The following CNTNAP2 variants were observed in gnomAD, a reference collection of about 807,000 sequenced individuals.
CNTNAP2 encodes the protein contactin-associated protein-like 2.
Under a neutral mutation model 155.2 loss-of-function variants are expected in CNTNAP2, and 98 were observed. That is an observed-to-expected ratio of 0.63 (90% confidence interval 0.54 to 0.75). The LOEUF (loss-of-function observed/expected upper bound fraction) is 0.75, where lower values mean the gene tolerates loss of function less well. Among genes scored for constraint, CNTNAP2 ranks in the 30% least tolerant of loss-of-function variants. The pLI is 0.00. For missense variants in CNTNAP2, 1,727 were observed against 1,688.1 expected (o/e 1.02, Z -0.40); for synonymous variants, 651 against 631.2 (o/e 1.03, Z -0.47).
At chr7:146,703,604 A>G (rs978661518) in intron 1 of CNTNAP2, among the ~76,000 whole-genome samples, 1 of 152,122 alleles carries the variant, frequency 6.6e-6, no homozygotes, top group African/African-American at 2.4e-5. Context: ...TCAAGGTTTA[A>G]GCAGATCTGG....
At chr7:146,842,054 T>G (rs1315503172) in intron 3 of CNTNAP2, among the ~76,000 whole-genome samples, 16 of 152,066 alleles carry the variant, frequency 1.1e-4, no homozygotes, top group African/African-American at 3.4e-4. Flanking sequence ...GGCTAATTTT[T>G]TTTTGTATTT....
At chr7:146,312,847 T>C (rs774415630) in intron 1 of CNTNAP2, among the ~76,000 whole-genome samples, 36 of 152,198 alleles carry the variant, frequency 2.4e-4, no homozygotes, top group Non-Finnish European at 5.0e-4. Context: ...ATTTAGCATA[T>C]TGTTCTACAG....
chr7:147,122,413 T>C (rs946525753), intron 6 of CNTNAP2: 2 of 152,214 alleles, frequency 1.3e-5, no homozygotes, highest in Non-Finnish European at 2.9e-5. Flanking sequence ...CCTAAGACTT[T>C]GGTAGCCATT....
At chr7:146,928,702 A>T (rs944688994) in intron 3 of CNTNAP2, among the ~76,000 whole-genome samples, 7 of 152,204 alleles carry the variant, frequency 4.6e-5, no homozygotes, top group African/African-American at 1.7e-4. Context: ...GGGTGACAGA[A>T]GGCATCTGGA....
chr7:147,551,499 G>T (rs1477896606), intron 11 of CNTNAP2, among the ~76,000 whole-genome samples: 2 of 152,160 alleles, frequency 1.3e-5, no homozygotes, highest in African/African-American at 4.8e-5. Context: ...GACTTTAACA[G>T]AATCTCAAGC....
intron 18 of CNTNAP2, among the ~76,000 whole-genome samples, chr7:148,199,726 G>C (rs2116729474): frequency 6.6e-6 from 1 of 152,330 alleles, no homozygotes; most frequent in South Asian, 2.1e-4. Flanking sequence ...AGGTTTATGT[G>C]TTAGTCAAGG....
intron 1 of CNTNAP2, among the ~76,000 whole-genome samples, chr7:146,432,098 T>G (rs920193451): frequency 3.3e-5 from 5 of 152,078 alleles, no homozygotes; most frequent in African/African-American, 1.2e-4. Flanking sequence ...AAGAAATTAT[T>G]CTGAGCAAAA....
At chr7:146,482,455 T>G (rs959537332) in intron 1 of CNTNAP2, among the ~76,000 whole-genome samples, 7 of 151,654 alleles carry the variant, frequency 4.6e-5, no homozygotes, top group African/African-American at 1.7e-4. Flanking sequence ...ACACTCATAC[T>G]CACATTAGGT....
intron 11 of CNTNAP2, among the ~76,000 whole-genome samples, chr7:147,529,941 C>T (rs1799401440): frequency 1.3e-5 from 2 of 152,202 alleles, no homozygotes; most frequent in South Asian, 4.1e-4. Context: ...AACTATCTCT[C>T]TGGCTATTAG....
chr7:146,745,223 T>G (rs971076250), intron 1 of CNTNAP2, among the ~76,000 whole-genome samples: 1 of 152,194 alleles, frequency 6.6e-6, no homozygotes, highest in Non-Finnish European at 1.5e-5. Context: ...TTTTTCACTT[T>G]ATTTACAAAC....
chr7:146,482,206 GAAAAAAAA>G (rs749887909), intron 1 of CNTNAP2, among the ~76,000 whole-genome samples: 2 of 82,172 alleles, frequency 2.4e-5, no homozygotes, highest in African/African-American at 9.5e-5. Context: ...CTAAGAATTA[GAAAAAAAA>G]AAAAAAAAAA....
chr7:146,643,400 CATTT>C (rs1799748661), intron 1 of CNTNAP2, among the ~76,000 whole-genome samples: 1 of 151,984 alleles, frequency 6.6e-6, no homozygotes, highest in South Asian at 2.1e-4. Context: ...TTCCCAGCAC[CATTT>C]ATTAAATAGG....
At chr7:146,520,829 G>A (rs1475376266) in intron 1 of CNTNAP2, among the ~76,000 whole-genome samples, 2 of 151,868 alleles carry the variant, frequency 1.3e-5, no homozygotes, top group African/African-American at 4.8e-5. Context: ...AATGAGTTGT[G>A]TTACTCTAGC....
chr7:147,143,006 G>T (rs1801630834), intron 8 of CNTNAP2, among the ~76,000 whole-genome samples: 1 of 152,036 alleles, frequency 6.6e-6, no homozygotes. Context: ...ATAGTGCCTT[G>T]TATCTTGAAT....
chr7:146,716,135 A>G (rs937096220), intron 1 of CNTNAP2, among the ~76,000 whole-genome samples: 3 of 151,852 alleles, frequency 2.0e-5, no homozygotes, highest in African/African-American at 7.3e-5. Flanking sequence ...CTCATTCCTA[A>G]ACAATGGCTG....
chr7:146,314,217 G>A (rs183684664), intron 1 of CNTNAP2, among the ~76,000 whole-genome samples: 101 of 152,076 alleles, frequency 6.6e-4, no homozygotes, highest in Middle Eastern at 3.4e-3. Flanking sequence ...TGTTCCATTC[G>A]TCAGTGTTCC....
At chr7:147,338,893 G>A (rs910002510) in intron 9 of CNTNAP2, among the ~76,000 whole-genome samples, 1 of 151,996 alleles carries the variant, frequency 6.6e-6, no homozygotes, top group Non-Finnish European at 1.5e-5. Context: ...GGTAGGGGGA[G>A]CTCATATTTA....
Position 147,328,067 on chromosome 7 carries a change from G to A in CNTNAP2, c.1498+27777G>A, listed in dbSNP as rs532454158. ...TTTTTGGAAAAAAAATAAAAATAGA[G>A]GTAAGTTGGGACAAAAATAACGAGC... is the stretch of plus-strand genomic sequence containing the variant. On this transcript the variant is annotated intron_variant, in intron 9 of 23. Coordinates refer to ENST00000361727, the MANE Select transcript of CNTNAP2 (RefSeq NM_014141.6). 2.7e-3 allele frequency among the ~76,000 whole-genome samples: 410 copies of A among 152,174 alleles called. 1 individual carries two copies. The highest frequency in any genetic ancestry group is 0.011 in the South Asian group (53 of 4,828).
intron 5 of CNTNAP2, among the ~76,000 whole-genome samples, chr7:147,115,520 T>C (rs1183120016): frequency 6.6e-6 from 1 of 152,216 alleles, no homozygotes; most frequent in Non-Finnish European, 1.5e-5. Context: ...TAATTCCTTT[T>C]CATTCTTTTT....
Sources: gnomAD v4.1 joint callset for allele counts (sites outside exome capture counted in the v4.1 genomes callset) on GRCh38, gnomAD v4.1.1 for gene constraint, MANE v1.5 for transcripts, NCBI Gene and HGNC (gene_info 2026-07-23, HGNC 2026-07-21) for gene names.